Variants in FHIT observed in about 807,000 individuals in gnomAD.
FHIT encodes fragile histidine triad diadenosine triphosphatase.
FHIT carries 19 observed loss-of-function variants against 17.9 expected under a neutral mutation model. The observed-to-expected ratio is 1.06, with a 90% CI of 0.74 to 1.56. FHIT has a LOEUF of 1.56. Ranked by LOEUF, FHIT falls within the 40% of genes most tolerant of loss-of-function variation. The pLI is 0.00. For synonymous variants in FHIT, 81 were observed against 69.7 expected (o/e 1.16, Z -0.81); for missense variants, 248 against 189.2 (o/e 1.31, Z -1.82).
At chr3:60,975,958 A>T (rs77312110) in intron 3 of FHIT, among the ~76,000 whole-genome samples, 2,222 of 152,134 alleles carry the variant, frequency 0.015, 49 homozygotes, top group African/African-American at 0.05. Flanking sequence ...AATGAAATCA[A>T]ATCAACTCTT....
intron 1 of FHIT, among the ~76,000 whole-genome samples, chr3:61,246,116 G>A (rs1416669780): frequency 1.3e-5 from 2 of 152,202 alleles, no homozygotes; most frequent in Non-Finnish European, 2.9e-5. Flanking sequence ...CCATGGCAAT[G>A]TCAGAAAGTT....
At chr3:60,277,887 C>G (rs1346628122) in intron 5 of FHIT, among the ~76,000 whole-genome samples, 2 of 152,158 alleles carry the variant, frequency 1.3e-5, no homozygotes, top group African/African-American at 4.8e-5. Flanking sequence ...CACTGCTTCA[C>G]TGCAATTTGC....
intron 5 of FHIT, among the ~76,000 whole-genome samples, chr3:60,486,948 T>A (rs1478493883): frequency 6.6e-6 from 1 of 152,174 alleles, no homozygotes; most frequent in East Asian, 1.9e-4. Flanking sequence ...TGGGAGTGAC[T>A]GTTTAGACAC....
At chr3:60,144,797 T>C (rs548588137) in intron 5 of FHIT, among the ~76,000 whole-genome samples, 1 of 152,180 alleles carries the variant, frequency 6.6e-6, no homozygotes, top group Admixed American at 6.5e-5. Context: ...CTGTTAATCA[T>C]AGTCACCCTA....
At chr3:59,841,938 T>G (rs924565273) in intron 8 of FHIT, among the ~76,000 whole-genome samples, 3 of 152,190 alleles carry the variant, frequency 2.0e-5, no homozygotes, top group African/African-American at 7.2e-5. Flanking sequence ...TGGCTATTTT[T>G]AGGTGTACAG....
chr3:60,958,368 T>A (rs1709267891), intron 3 of FHIT, among the ~76,000 whole-genome samples: 1 of 152,232 alleles, frequency 6.6e-6, no homozygotes, highest in African/African-American at 2.4e-5. Flanking sequence ...TGTTCCATTT[T>A]AAAGAAATGA....
chr3:61,103,173 T>C (rs904617095), intron 2 of FHIT, among the ~76,000 whole-genome samples: 1 of 152,246 alleles, frequency 6.6e-6, no homozygotes, highest in Non-Finnish European at 1.5e-5. Context: ...TCTTTCCTGC[T>C]TTGTGTTGTG....
chr3:59,973,433 C>A (rs979815971), intron 7 of FHIT, among the ~76,000 whole-genome samples: 8 of 152,064 alleles, frequency 5.3e-5, no homozygotes, highest in Non-Finnish European at 1.2e-4. Flanking sequence ...AGGCCCTCTG[C>A]ACATGCTGTA....
At chr3:60,735,024 A>G (rs2042106885) in intron 4 of FHIT, among the ~76,000 whole-genome samples, 1 of 152,224 alleles carries the variant, frequency 6.6e-6, no homozygotes, top group Non-Finnish European at 1.5e-5. Flanking sequence ...AAGAATTACA[A>G]TGAAAAGCCA....
intron 5 of FHIT, among the ~76,000 whole-genome samples, chr3:60,169,492 T>C (rs984779992): frequency 3.9e-5 from 6 of 152,204 alleles, no homozygotes; most frequent in African/African-American, 7.2e-5. Flanking sequence ...TTGGTGATAA[T>C]TGTTGTTTTA....
At chr3:60,504,595 G>A (rs904548523) in intron 5 of FHIT, among the ~76,000 whole-genome samples, 1 of 152,148 alleles carries the variant, frequency 6.6e-6, no homozygotes, top group African/African-American at 2.4e-5. Context: ...GATTGAAGGA[G>A]TCTCATGAAG....
At chr3:60,923,055 G>C (rs1575694803) in intron 3 of FHIT, among the ~76,000 whole-genome samples, 1 of 152,224 alleles carries the variant, frequency 6.6e-6, no homozygotes, top group African/African-American at 2.4e-5. Flanking sequence ...TAGTGTGGTA[G>C]ATTTAATATT....
At chr3:59,953,286 CTGTG>C (rs1486327587) in intron 7 of FHIT, among the ~76,000 whole-genome samples, 2 of 152,004 alleles carry the variant, frequency 1.3e-5, no homozygotes, top group African/African-American at 4.8e-5. Flanking sequence ...TGATGTCTCT[CTGTG>C]TGAGTGTCTC....
intron 4 of FHIT, among the ~76,000 whole-genome samples, chr3:60,603,368 G>T (rs2038505168): frequency 6.6e-6 from 1 of 152,108 alleles, no homozygotes; most frequent in Non-Finnish European, 1.5e-5. Context: ...TGATAAAGCA[G>T]ATATATTATG....
chr3:60,792,181 G>T (rs190481939), intron 4 of FHIT, among the ~76,000 whole-genome samples: 2 of 152,170 alleles, frequency 1.3e-5, no homozygotes, highest in Non-Finnish European at 2.9e-5. Context: ...ATAAATAAAT[G>T]ATTTAGACAC....
At chr3:60,386,327 T>TGC (rs1701010688) in intron 5 of FHIT, among the ~76,000 whole-genome samples, 1 of 152,158 alleles carries the variant, frequency 6.6e-6, no homozygotes, top group African/African-American at 2.4e-5. Context: ...TTTGAGGAAT[T>TGC]ACCTTTCCGG....
chr3:60,637,391 C>T (rs1308649408), intron 4 of FHIT, among the ~76,000 whole-genome samples: 22 of 152,116 alleles, frequency 1.4e-4, no homozygotes, highest in Admixed American at 1.4e-3. Context: ...TTTACCATTC[C>T]ATCTCTAGTA....
intron 3 of FHIT, among the ~76,000 whole-genome samples, chr3:60,859,529 T>G (rs1553750806): frequency 1.3e-5 from 2 of 151,864 alleles, no homozygotes; most frequent in African/African-American, 4.8e-5. Context: ...GCAGAAGTGA[T>G]GTACACCCTT....
intron 5 of FHIT, among the ~76,000 whole-genome samples, chr3:60,275,837 C>G (rs1707104251): frequency 6.6e-6 from 1 of 152,156 alleles, no homozygotes; most frequent in Admixed American, 6.5e-5. Context: ...ACAATAATGC[C>G]TTGCAATCTG....
Sources: allele counts gnomAD v4.1 joint callset (sites outside exome capture counted in the v4.1 genomes callset), GRCh38; gene constraint gnomAD v4.1.1; transcripts MANE v1.5; gene names NCBI Gene and HGNC (gene_info 2026-07-23, HGNC 2026-07-21).